Variants in PARM1 observed in about 807,000 individuals in gnomAD.
The protein encoded by PARM1 is WSC4, cell wall integrity and stress response component 4 homolog.
A neutral mutation model predicts 24.6 loss-of-function variants in PARM1; 14 were observed. The observed-to-expected ratio is 0.57, with a 90% confidence interval of 0.38 to 0.89. PARM1 has a LOEUF of 0.89. Among genes scored for constraint, PARM1 ranks in the 40% least tolerant of loss-of-function variants. The pLI is 0.00. For synonymous variants in PARM1, 179 were observed against 156.6 expected, an observed-to-expected ratio of 1.14 and a Z score of -1.07; for missense variants, 362 against 380.4, an observed-to-expected ratio of 0.95 and a Z score of 0.40.
At chr4:74,997,005 T>G (rs983530178) in intron 1 of PARM1, among the ~76,000 whole-genome samples, 10 of 152,228 alleles carry the variant, frequency 6.6e-5, no homozygotes, top group Non-Finnish European at 1.3e-4. Flanking sequence ...ATATGACTAT[T>G]TGATAAGGAC....
intron 1 of PARM1, among the ~76,000 whole-genome samples, chr4:74,979,605 A>C (rs1473453343): frequency 6.6e-6 from 1 of 152,196 alleles, no homozygotes; most frequent in Non-Finnish European, 1.5e-5. Flanking sequence ...TCCCTAACTC[A>C]TTTTATGAGG....
In PARM1 at chr4:75,019,859, C is replaced by T. The variant is rs557204232; in HGVS notation, c.769+6709C>T. Among the ~76,000 whole-genome samples the T allele has an allele frequency of 1.3e-4, 20 of 150,058 alleles. No homozygotes were observed. The East Asian group carries it at 3.5e-3, about 26-fold the overall frequency. On this transcript the variant is annotated intron_variant, in intron 2 of 3. Transcript: ENST00000307428. ...TCTACTAAAAATACAAAAAATTAGC[C>T]GGGCGCGGTGGCGGGCGCCTGTAGT...
intron 3 of PARM1, among the ~76,000 whole-genome samples, chr4:75,040,652 A>G (rs1382696711): frequency 1.3e-5 from 2 of 152,222 alleles, no homozygotes; most frequent in Non-Finnish European, 2.9e-5. Flanking sequence ...CTTAGTTTTG[A>G]CAAATGTACC....
At chr4:75,025,038 T>C (rs899012992) in intron 2 of PARM1, among the ~76,000 whole-genome samples, 3 of 152,206 alleles carry the variant, frequency 2.0e-5, no homozygotes, top group Admixed American at 2.0e-4. Context: ...GTTTTCATCA[T>C]TGAAATACTA....
At chr4:75,018,849 A>G (rs899072639) in intron 2 of PARM1, among the ~76,000 whole-genome samples, 1 of 152,196 alleles carries the variant, frequency 6.6e-6, no homozygotes, top group African/African-American at 2.4e-5. Flanking sequence ...CCAGGATTGA[A>G]ATCCAGTTCC....
intron 2 of PARM1, among the ~76,000 whole-genome samples, chr4:75,033,447 A>G (rs1723309243): frequency 6.6e-6 from 1 of 152,312 alleles, no homozygotes. Context: ...TAAAACATCC[A>G]AAGTCTCTCA....
intron 1 of PARM1, among the ~76,000 whole-genome samples, chr4:74,988,466 G>C (rs749583510): frequency 6.6e-6 from 1 of 152,180 alleles, no homozygotes; most frequent in Non-Finnish European, 1.5e-5. Context: ...ATTAGTGGGA[G>C]AGATAAGAGA....
intron 1 of PARM1, among the ~76,000 whole-genome samples, chr4:74,941,499 A>G (rs1721309438): frequency 6.6e-6 from 1 of 152,182 alleles, no homozygotes; most frequent in Non-Finnish European, 1.5e-5. Flanking sequence ...ATTATTTTGG[A>G]GTACTAAGGC....
rs73828410 is a variant in PARM1 at position 75,023,326 on chromosome 4, T to C, written c.769+10176T>C. 8.3e-3 allele frequency among the ~76,000 whole-genome samples: 1,266 copies of C among 152,326 alleles called. 19 individuals are homozygous for C. Among genetic ancestry groups the C allele is most frequent in the African/African-American group, 0.029 (1,206 of 41,560 alleles). On this transcript the variant is annotated intron_variant, in intron 2 of 3. Coordinates refer to ENST00000307428, the MANE Select transcript of PARM1 (RefSeq NM_015393.4). ...ATTTTCCTCATCTATATGATGAGGG[T>C]AATTATAGTACTGTACCTGTTTTAC...
intron 3 of PARM1, among the ~76,000 whole-genome samples, chr4:75,041,265 C>T (rs1329670471): frequency 6.6e-6 from 1 of 152,150 alleles, no homozygotes; most frequent in East Asian, 1.9e-4. Flanking sequence ...GAAAAGGAGA[C>T]AGTGACAGCT....
intron 1 of PARM1, among the ~76,000 whole-genome samples, chr4:74,977,350 A>G (rs1015381476): frequency 6.6e-6 from 1 of 152,244 alleles, no homozygotes; most frequent in African/African-American, 2.4e-5. Context: ...CAAGTGTAAG[A>G]AAGAATCTCA....
intron 1 of PARM1, among the ~76,000 whole-genome samples, chr4:74,984,224 C>G (rs1267432653): frequency 1.3e-5 from 2 of 152,234 alleles, no homozygotes; most frequent in South Asian, 2.1e-4. Flanking sequence ...CAACCACACT[C>G]TAGTTGAAAA....
chr4:75,050,003 G>A lies in PARM1; in HGVS notation c.*3756G>A, dbSNP rs1454828107. 2 of 152,320 alleles carry A rather than the reference G, an allele frequency of 1.3e-5. No homozygotes were observed. The highest frequency in any genetic ancestry group is 2.9e-5 in the Non-Finnish European group (2 of 67,998). The allele number at this position is 152,320 out of a possible 1,614,324, so 9.4% of individuals were successfully genotyped here. A position where few individuals can be genotyped will look rare whatever the true frequency, so the allele number is the denominator to read the frequency against. On this transcript the variant is annotated 3_prime_UTR_variant, in exon 4 of 4. Transcript: ENST00000307428. ...GGTAAGTTAGCTGAAGTCATTTAAA[G>A]ATGGAAAGGTGGGAAAATTCTTTGA...
chr4:75,033,639 A>C (rs968836978), intron 2 of PARM1, among the ~76,000 whole-genome samples: 2 of 152,250 alleles, frequency 1.3e-5, no homozygotes, highest in South Asian at 2.1e-4. Context: ...CAGGCCAGCC[A>C]AAAAGTCTTG....
At chr4:74,963,946 AAATGTGCT>A (rs1433526491) in intron 1 of PARM1, among the ~76,000 whole-genome samples, 1 of 151,608 alleles carries the variant, frequency 6.6e-6, no homozygotes, top group Non-Finnish European at 1.5e-5. Context: ...GAACTAAGGC[AAATGTGCT>A]AATGGGACTG....
chr4:74,979,934 C>T (rs111857668), intron 1 of PARM1, among the ~76,000 whole-genome samples: 8,026 of 152,192 alleles, frequency 0.053, 227 homozygotes, highest in Middle Eastern at 0.092. Context: ...ATGTTAAAAA[C>T]TCTCAGTAAA....
intron 2 of PARM1, among the ~76,000 whole-genome samples, chr4:75,018,753 G>A (rs1225379998): frequency 6.6e-6 from 1 of 152,214 alleles, no homozygotes; most frequent in Non-Finnish European, 1.5e-5. Context: ...CCAGTGGTGT[G>A]AGCTCAGCAG....
In PARM1 at chr4:75,033,919, T is replaced by C. The variant is rs773404413; in HGVS notation, c.806T>C (p.Val269Ala). The C allele has an allele frequency of 5.1e-5, 82 of 1,604,140 alleles. 1 individual carries two copies. Among genetic ancestry groups the C allele is most frequent in the Non-Finnish European group, 7.0e-5 (82 of 1,175,234 alleles). ...GCCATTACCGTGACAGTCATTGCCG[T>C]GGTGCTGCTGGTGTTTGGAGTTGCA... Reference protein sequence around the residue: ...IAAITVTVIAVVLLVFGVAAY... With the variant: ...IAAITVTVIAAVLLVFGVAAY... The change falls in exon 3 of 4, where the codon GTG (valine) becomes GCG (alanine). Residue 269 changes from valine to alanine, a missense_variant. Coordinates refer to ENST00000307428, the MANE Select transcript of PARM1 (RefSeq NM_015393.4).
intron 1 of PARM1, among the ~76,000 whole-genome samples, chr4:75,000,118 C>T (rs1722648774): frequency 6.6e-6 from 1 of 152,020 alleles, no homozygotes; most frequent in African/African-American, 2.4e-5. Context: ...GAGCTGATGC[C>T]ATGAGGAGTA....
Sources: allele counts gnomAD v4.1 joint callset (sites outside exome capture counted in the v4.1 genomes callset), GRCh38; gene constraint gnomAD v4.1.1; transcripts MANE v1.5; gene names NCBI Gene and HGNC (gene_info 2026-07-23, HGNC 2026-07-21).